The following SBF2 variants were observed in gnomAD, a reference collection of about 807,000 sequenced individuals.
SBF2 encodes the protein myotubularin-related protein 13.
Under a neutral mutation model 225.2 loss-of-function variants are expected in SBF2, and 112 were observed. The ratio of observed to expected loss-of-function variants is 0.50; its 90% CI spans 0.43 to 0.58. The LOEUF is 0.58. Ranked by LOEUF, SBF2 falls within the 20% of genes least tolerant of loss-of-function variation. SBF2 has a pLI of 0.00. For missense variants in SBF2, 1,996 were observed against 2,206.2 expected (o/e 0.90, Z 1.91); for synonymous variants, 763 against 773.3 (o/e 0.99, Z 0.22).
intron 1 of SBF2, among the ~76,000 whole-genome samples, chr11:10,284,992 AGAC>A (rs1963652524): frequency 6.6e-6 from 1 of 152,066 alleles, no homozygotes; most frequent in Non-Finnish European, 1.5e-5. Flanking sequence ...TTAATTGAAA[AGAC>A]ACTTTAGGAA....
chr11:10,248,098 AT>A (rs1401010890), intron 1 of SBF2, among the ~76,000 whole-genome samples: 2 of 152,232 alleles, frequency 1.3e-5, no homozygotes, highest in Non-Finnish European at 2.9e-5. Context: ...ATTTTGGAGC[AT>A]TACATTCTAG....
At chr11:9,884,807 A>G (rs1457625088) in intron 17 of SBF2, among the ~76,000 whole-genome samples, 3 of 152,216 alleles carry the variant, frequency 2.0e-5, no homozygotes, top group African/African-American at 4.8e-5. Flanking sequence ...CTCTTCTCCA[A>G]TTGTTCCAAG....
At chr11:9,845,798 C>T (rs1856503413) in intron 23 of SBF2, 58 bp from the exon 24 acceptor site, 2 of 1,506,420 alleles carry the variant, frequency 1.3e-6, no homozygotes, top group Non-Finnish European at 1.8e-6. Flanking sequence ...GGCAACTTTC[C>T]CCCAAACAAC....
Position 10,196,837 on chromosome 11 carries a change from A to AATAT in SBF2, c.56-2854_56-2851dup, listed in dbSNP as rs71313475. 1.7e-3 allele frequency among the ~76,000 whole-genome samples: 145 copies of AATAT among 83,494 alleles called. 3 individuals carry two copies. The highest frequency in any genetic ancestry group is 4.6e-3 in the East Asian group (13 of 2,828). The allele number at this position is 83,494 out of a possible 152,430, so 54.8% of individuals were successfully genotyped here. On this transcript the variant is annotated intron_variant, in intron 1 of 39. Transcript: ENST00000256190. Reference sequence around the variant, plus strand: ...CATTTATTCCTAGGTTTCTTGCATAAATATATATATATATATATATATATA... The same window carrying AATAT: ...CATTTATTCCTAGGTTTCTTGCATAAATATATATATATATATATATATATATATA...
At chr11:10,222,593 C>T (rs74518586) in intron 1 of SBF2, among the ~76,000 whole-genome samples, 1 of 152,030 alleles carries the variant, frequency 6.6e-6, no homozygotes, top group Non-Finnish European at 1.5e-5. Context: ...TGAGAAAAAG[C>T]AAATTGGGGG....
At chr11:9,845,771 A>G (rs1439532345) in intron 23 of SBF2, 31 bp from the exon 24 acceptor site, 3 of 1,606,510 alleles carry the variant, frequency 1.9e-6, no homozygotes, top group Non-Finnish European at 8.5e-7. Context: ...ACACAAAAGA[A>G]GCATTAAGGA....
chr11:10,058,741 G>T (rs1472465695), intron 2 of SBF2, among the ~76,000 whole-genome samples: 1 of 152,108 alleles, frequency 6.6e-6, no homozygotes, highest in Non-Finnish European at 1.5e-5. Context: ...AAGAAAGAAT[G>T]TGAAAGGCAA....
intron 2 of SBF2, among the ~76,000 whole-genome samples, chr11:10,183,248 C>T (rs1028288363): frequency 2.6e-5 from 4 of 152,132 alleles, no homozygotes; most frequent in African/African-American, 9.7e-5. Context: ...CTTAAAGCGT[C>T]CCACATCCTC....
At chr11:9,975,042 T>G (rs1053563998) in intron 13 of SBF2, among the ~76,000 whole-genome samples, 51 of 137,740 alleles carry the variant, frequency 3.7e-4, no homozygotes, top group African/African-American at 1.3e-3. Context: ...GTGGCACAAA[T>G]GGAATGCTAA....
At chr11:10,035,592 C>A (rs933585203) in intron 3 of SBF2, among the ~76,000 whole-genome samples, 11 of 152,072 alleles carry the variant, frequency 7.2e-5, no homozygotes, top group Admixed American at 5.2e-4. Context: ...ACCCCATCAA[C>A]AAGTGGGCAC....
intron 28 of SBF2, chr11:9,828,584 C>T (rs1855200942): frequency 1.2e-5 from 12 of 985,418 alleles, no homozygotes; most frequent in Non-Finnish European, 1.3e-5. Context: ...GTGTCTAACA[C>T]ATTAGGGTTA....
chr11:9,820,879 TAAAC>T (rs931652965), intron 28 of SBF2, among the ~76,000 whole-genome samples: 1 of 152,248 alleles, frequency 6.6e-6, no homozygotes, highest in African/African-American at 2.4e-5. Context: ...CTTTTGTTCC[TAAAC>T]AAACAGCTAC....
At chr11:10,171,346 T>C (rs558339526) in intron 2 of SBF2, among the ~76,000 whole-genome samples, 1 of 152,330 alleles carries the variant, frequency 6.6e-6, no homozygotes, top group South Asian at 2.1e-4. Context: ...GTTTGTATCA[T>C]AAAGGGATGT....
intron 2 of SBF2, among the ~76,000 whole-genome samples, chr11:10,060,424 G>A (rs1279759190): frequency 3.9e-5 from 6 of 152,238 alleles, no homozygotes; most frequent in South Asian, 2.1e-4. Context: ...AGGAACTGAC[G>A]GATTCACAGC....
intron 2 of SBF2, among the ~76,000 whole-genome samples, chr11:10,090,058 T>C (rs1185602484): frequency 6.6e-6 from 1 of 152,218 alleles, no homozygotes; most frequent in Admixed American, 6.5e-5. Flanking sequence ...GAAGACATTA[T>C]GCTAAGTGAA....
At chr11:10,249,098 CA>C (rs540667465) in intron 1 of SBF2, among the ~76,000 whole-genome samples, 15,800 of 122,532 alleles carry the variant, frequency 0.13, 925 homozygotes, top group Non-Finnish European at 0.14. Flanking sequence ...TCCGTCTCAA[CA>C]AAAAAAAAAA....
chr11:9,925,723 A>C (rs1192716733), intron 16 of SBF2, among the ~76,000 whole-genome samples: 1 of 152,244 alleles, frequency 6.6e-6, no homozygotes, highest in Non-Finnish European at 1.5e-5. Context: ...ATTTTGGACT[A>C]CATTAGACTA....
intron 1 of SBF2, among the ~76,000 whole-genome samples, chr11:10,269,188 A>T (rs1962261894): frequency 6.6e-6 from 1 of 152,208 alleles, no homozygotes; most frequent in South Asian, 2.1e-4. Context: ...TTCCAGAGCT[A>T]TGTCTGTCTT....
intron 1 of SBF2, among the ~76,000 whole-genome samples, chr11:10,258,237 T>C (rs1163204951): frequency 6.6e-6 from 1 of 151,998 alleles, no homozygotes. Context: ...CCAGAGTAGC[T>C]AGGACTATAG....
Sources: gnomAD v4.1 joint callset for allele counts (sites outside exome capture counted in the v4.1 genomes callset) on GRCh38, gnomAD v4.1.1 for gene constraint, MANE v1.5 for transcripts, NCBI Gene and HGNC (gene_info 2026-07-23, HGNC 2026-07-21) for gene names.